Variants in MAGED1 observed in about 807,000 individuals in gnomAD.
MAGED1 encodes the protein melanoma-associated antigen D1.
MAGED1 carries 3 observed loss-of-function variants against 54.1 expected under a neutral mutation model. The ratio of observed to expected loss-of-function variants is 0.06; its 90% CI spans 0.03 to 0.14. The LOEUF (loss-of-function observed/expected upper bound fraction) is 0.14, where lower values mean the gene tolerates loss of function less well. Among genes scored for constraint, MAGED1 ranks in the 10% least tolerant of loss-of-function variants. The pLI, the probability that MAGED1 is intolerant of heterozygous loss-of-function variation, is 1.00. For synonymous variants in MAGED1, 217 were observed against 227.3 expected (o/e 0.95, Z 0.41); for missense variants, 485 against 623.4 (o/e 0.78, Z 2.36).
intron 1 of MAGED1, among the ~76,000 whole-genome samples, chrX:51,862,008 C>CA (rs1234510246): frequency 2.7e-5 from 3 of 111,983 alleles, no homozygotes; most frequent in African/African-American, 9.8e-5. Context: ...TAAAAAACGT[C>CA]AGAGTATTCA....
upstream of MAGED1, among the ~76,000 whole-genome samples, chrX:51,892,045 T>C (rs781989323): frequency 1.8e-5 from 2 of 112,471 alleles, no homozygotes; most frequent in Non-Finnish European, 3.8e-5. Flanking sequence ...CAGTCCTTCC[T>C]AGCATTAGCT....
chrX:51,842,150 T>C (rs1409768554), intron 1 of MAGED1, among the ~76,000 whole-genome samples: 3 of 112,239 alleles, frequency 2.7e-5, no homozygotes, highest in Non-Finnish European at 5.6e-5. Context: ...TGTTTTCTTC[T>C]CTACCTCATT....
At chrX:51,863,987 G>A in intron 1 of MAGED1, among the ~76,000 whole-genome samples, 1 of 111,162 alleles carries the variant, frequency 9.0e-6, no homozygotes, top group East Asian at 2.8e-4. Context: ...TAGAAACTTT[G>A]TAGTTTGATG....
At chrX:51,805,041 T>C (rs1350771031) in intron 1 of MAGED1, among the ~76,000 whole-genome samples, 1 of 112,197 alleles carries the variant, frequency 8.9e-6, no homozygotes, top group Non-Finnish European at 1.9e-5. Flanking sequence ...CTCTTCCTCC[T>C]GGCTAGCTTC....
At chrX:51,820,306 G>C (rs1557356416) in intron 1 of MAGED1, among the ~76,000 whole-genome samples, 2 of 112,059 alleles carry the variant, frequency 1.8e-5, no homozygotes, top group African/African-American at 6.5e-5. Context: ...GTCTGTTTCT[G>C]CACAGAAGGT....
chrX:51,883,780 TAAAAG>T (rs1928145088), intron 1 of MAGED1, among the ~76,000 whole-genome samples: 1 of 111,575 alleles, frequency 9.0e-6, no homozygotes, highest in Non-Finnish European at 1.9e-5. Flanking sequence ...TGGAAATCTC[TAAAAG>T]AAATCAGAGA....
chrX:51,815,637 C>G (rs897796019), intron 1 of MAGED1, among the ~76,000 whole-genome samples: 22 of 109,354 alleles, frequency 2.0e-4, no homozygotes, highest in Non-Finnish European at 4.0e-4. Flanking sequence ...ATTCTCCTGC[C>G]TCAGCCTCCG....
At chrX:51,810,188 T>C (rs1367345685) in intron 1 of MAGED1, among the ~76,000 whole-genome samples, 2 of 111,322 alleles carry the variant, frequency 1.8e-5, no homozygotes, top group African/African-American at 6.5e-5. Flanking sequence ...TTAGTCTTTG[T>C]TGGCGTCCTT....
rs1395750757 is a variant in MAGED1 at position 51,848,688 on chromosome X, C to CGTGAAA, written c.-37+45576_-36-45575insAGTGAA. Among the ~76,000 whole-genome samples, 3 of 111,828 alleles carry CGTGAAA rather than the reference C, an allele frequency of 2.7e-5. No homozygotes were observed. In the Admixed American group the frequency reaches 2.8e-4, roughly 11 times the overall value. On this transcript the variant is annotated intron_variant, in intron 1 of 12. Transcript: ENST00000375772. ...CAAGGCCTCAGGCATATGAAAACAA[C>CGTGAAA]GTGAAGCAAAATATGCCGGTGGCTT... is the stretch of plus-strand genomic sequence containing the variant.
At chrX:51,855,661 G>A (rs981315413) in intron 1 of MAGED1, among the ~76,000 whole-genome samples, 29 of 110,747 alleles carry the variant, frequency 2.6e-4, no homozygotes, top group African/African-American at 8.6e-4. Flanking sequence ...GAGTAGCTGG[G>A]ATTGCAGGTG....
At chrX:51,860,692 T>G (rs947833329) in intron 1 of MAGED1, among the ~76,000 whole-genome samples, 4 of 109,621 alleles carry the variant, frequency 3.6e-5, no homozygotes, top group Non-Finnish European at 7.6e-5. Context: ...AATACAGAAG[T>G]GGTGGTTTTA....
intron 1 of MAGED1, among the ~76,000 whole-genome samples, chrX:51,884,320 C>A (rs1380401877): frequency 9.0e-6 from 1 of 111,538 alleles, no homozygotes; most frequent in Non-Finnish European, 1.9e-5. Context: ...GAAGCTCTCT[C>A]ATTAGATACC....
intron 1 of MAGED1, among the ~76,000 whole-genome samples, chrX:51,840,629 C>T (rs1383114247): frequency 9.3e-6 from 1 of 107,700 alleles, no homozygotes; most frequent in Admixed American, 1.0e-4. Flanking sequence ...GTTCCCCTTC[C>T]TGTGTCCATG....
intron 1 of MAGED1, among the ~76,000 whole-genome samples, chrX:51,845,286 AT>A (rs1443414651): frequency 5.4e-5 from 6 of 111,601 alleles, no homozygotes; most frequent in Non-Finnish European, 1.1e-4. Context: ...CAAACAAAAA[AT>A]TTAGCTGTAA....
At chrX:51,897,379 C>A in intron 5 of MAGED1, 108 bp downstream of exon 5, 1 of 835,682 alleles carries the variant, frequency 1.2e-6, no homozygotes, top group African/African-American at 2.1e-5. Flanking sequence ...CATGCTCTGT[C>A]GGCATTCTTC....
At chrX:51,880,966 G>A (rs1022561664) in intron 1 of MAGED1, among the ~76,000 whole-genome samples, 1 of 108,863 alleles carries the variant, frequency 9.2e-6, no homozygotes, top group Non-Finnish European at 1.9e-5. Flanking sequence ...TCTTGTCTTA[G>A]TCAGTTCGGG....
intron 1 of MAGED1, among the ~76,000 whole-genome samples, chrX:51,873,063 T>C (rs183137951): frequency 9.2e-6 from 1 of 109,072 alleles, no homozygotes; most frequent in African/African-American, 3.4e-5. Flanking sequence ...AAAAAATAAA[T>C]AAAAAAATAA....
intron 1 of MAGED1, among the ~76,000 whole-genome samples, chrX:51,841,355 G>A (rs1474846029): frequency 8.2e-5 from 9 of 110,064 alleles, no homozygotes; most frequent in Admixed American, 7.7e-4. Context: ...AGATGAGTAG[G>A]TTGCAAAAAT....
chrX:51,895,288 T>A lies in MAGED1; in HGVS notation c.281T>A (p.Phe94Tyr). ...TTKGPNGVYD[F>Y]SQAHNAKDVP... is the part of the protein sequence containing the mutation. ...AAAGGCCCAAATGGTGTCTATGATT[T>A]CTCTCAGGCTCATAATGCCAAGGAT... is the stretch of plus-strand genomic sequence containing the variant. The change falls in exon 3 of 13, where the codon TTC becomes TAC. Residue 94 changes from phenylalanine (F) to tyrosine (Y), a missense_variant. Around this residue, in one of 2 missense-constraint regions of MAGED1, gnomAD observed 299 missense variants for 293.1 expected, o/e 1.02. Transcript: ENST00000326587. 1.7e-6 allele frequency: 2 copies of A among 1,210,739 alleles called. No homozygotes were observed. The highest frequency in any genetic ancestry group is 2.2e-6 in the Non-Finnish European group (2 of 895,021).
Sources: gnomAD v4.1 joint callset for allele counts (sites outside exome capture counted in the v4.1 genomes callset) on GRCh38, gnomAD v4.1.1 for gene constraint, gnomAD v4.1.1 regional missense constraint, MANE v1.5 for transcripts, NCBI Gene and HGNC (gene_info 2026-07-23, HGNC 2026-07-21) for gene names.